BCAR1: variants seen among roughly 807,000 people sequenced by gnomAD.
BCAR1 encodes the protein breast cancer anti-estrogen resistance protein 1.
Under a neutral mutation model 67.6 loss-of-function variants are expected in BCAR1, and 30 were observed. The observed-to-expected ratio is 0.44, with a 90% CI of 0.33 to 0.60. The LOEUF (loss-of-function observed/expected upper bound fraction) is 0.60. BCAR1 is among the 20% of genes least tolerant of loss of function. BCAR1 has a pLI of 0.02. For missense variants in BCAR1, 1,313 were observed against 1,222.3 expected (o/e 1.07, Z -1.11); for synonymous variants, 626 against 556.7 (o/e 1.12, Z -1.75).
intron 1 of BCAR1, chr16:75,265,728 C>G (rs2077995187): frequency 8.5e-7 from 1 of 1,181,950 alleles, no homozygotes; most frequent in Non-Finnish European, 1.0e-6. Flanking sequence ...ACCCCCAGTC[C>G]GGGAGCCAAC....
At chr16:75,261,165 G>A (rs1351837080) in intron 1 of BCAR1, among the ~76,000 whole-genome samples, 1 of 152,166 alleles carries the variant, frequency 6.6e-6, no homozygotes, top group Non-Finnish European at 1.5e-5. Flanking sequence ...CCTTTTTCCT[G>A]CAGAGAGGGA....
chr16:75,236,816 C>G (rs772455811), intron 4 of BCAR1, 66 bp downstream of exon 4: 36 of 1,572,838 alleles, frequency 2.3e-5, no homozygotes, highest in Non-Finnish European at 2.6e-5. Context: ...GTCAGCACCC[C>G]TGTGCACACA....
chr16:75,266,673 C>G (rs1208802093), intron 1 of BCAR1: 9 of 1,287,964 alleles, frequency 7.0e-6, no homozygotes, highest in Non-Finnish European at 9.0e-6. Context: ...CTTGCTGATG[C>G]CCCGTTACAT....
At chr16:75,251,326 G>A (rs1319659492) in intron 1 of BCAR1, 145 bp downstream of exon 1, 4 of 1,177,522 alleles carry the variant, frequency 3.4e-6, no homozygotes, top group Middle Eastern at 2.5e-4. Context: ...CCCGGCCAGG[G>A]CAGAAGGAGA....
In BCAR1 at chr16:75,237,272, T is replaced by C; in HGVS notation, c.706A>G (p.Ile236Val). The C allele has an allele frequency of 6.6e-7, 1 of 1,524,402 alleles. No homozygotes were observed. 94.4% of individuals were successfully genotyped at this position (1,524,402 alleles called of 1,614,324 possible). ...CCCGGGGCCAGCAGGTGTCGCGGGA[T>C]GTCGTACTCGTCCTGCTCCGGCTGG... The part of the protein sequence containing the change: ...AAQPEQDEYD[I>V]PRHLLAPGPQ... Residue 236 changes from isoleucine to valine, a missense_variant, in exon 3 of 7, where the codon ATC (isoleucine) becomes GTC (valine). Physicochemically the swap from Ile to Val is conservative, Grantham distance 29 (BLOSUM62 3). Coordinates refer to ENST00000162330, the MANE Select transcript of BCAR1 (RefSeq NM_014567.5).
At chr16:75,236,127 CACAT>C (rs1260949373) in intron 4 of BCAR1, 141 bp from the exon 5 acceptor site, 36 of 1,112,802 alleles carry the variant, frequency 3.2e-5, no homozygotes, top group East Asian at 1.8e-4. Context: ...CACACAGGCA[CACAT>C]ACAAATGCAG....
At chr16:75,255,278 G>A (rs899455438), upstream of BCAR1, among the ~76,000 whole-genome samples, 3 of 152,070 alleles carry the variant, frequency 2.0e-5, no homozygotes, top group African/African-American at 7.2e-5. Context: ...GGTGGACTCG[G>A]TTGATGGCCA....
At position 75,229,973 on chromosome 16, in the gene BCAR1, G is replaced by A. The variant is rs775359035; in HGVS notation, c.2151C>T (p.His717=). Residue 717 remains histidine, a synonymous_variant, in exon 7 of 7, where the codon CAC becomes CAT. Transcript: ENST00000162330. ...LEQEVSRPID[H]DLANWTPAQP... Reference sequence around the variant, plus strand: ...GGGCTGGCGTCCAGTTGGCCAGGTCGTGGTCTATGGGCCGTGACACCTCCT... The same window carrying A: ...GGGCTGGCGTCCAGTTGGCCAGGTCATGGTCTATGGGCCGTGACACCTCCT... The A allele has an allele frequency of 3.2e-5, 51 of 1,584,348 alleles. No homozygotes were observed. The highest frequency in any genetic ancestry group is 3.4e-4 in the Middle Eastern group (2 of 5,942).
At chr16:75,238,129 G>A in intron 2 of BCAR1, 2 of 1,287,172 alleles carry the variant, frequency 1.6e-6, no homozygotes, top group Non-Finnish European at 2.0e-6. Flanking sequence ...CCCGCACAGT[G>A]GGTGAAGAGG....
upstream of BCAR1, chr16:75,256,043 C>T (rs1156924604): frequency 6.6e-6 from 1 of 152,372 alleles, no homozygotes; most frequent in Non-Finnish European, 1.5e-5. Flanking sequence ...GTGGATAGCA[C>T]GGAGGTGAAC....
At chr16:75,234,599 G>A (rs538179120) in intron 5 of BCAR1, among the ~76,000 whole-genome samples, 90 of 152,280 alleles carry the variant, frequency 5.9e-4, no homozygotes, top group African/African-American at 2.1e-3. Context: ...GCTCCCCCAC[G>A]CTCAGAGCAT....
rs367866361 is a variant in BCAR1, at chr16:75,235,391, T to A, written c.1508A>T (p.Asp503Val). Reference sequence around the variant, plus strand: ...GACAGCGGCCACAGCAGCCTGCAGGTCCTGCACCAGCGGCTCCTGTGGCTC... The same window carrying A: ...GACAGCGGCCACAGCAGCCTGCAGGACCTGCACCAGCGGCTCCTGTGGCTC... ...PSEPQEPLVQ[D>V]LQAAVAAVQS... The change falls in exon 5 of 7, where the codon GAC (aspartate) becomes GTC (valine). Residue 503 changes from aspartate (D) to valine (V), a missense_variant. Physicochemically the swap from Asp to Val is radical, Grantham distance 152. Coordinates refer to ENST00000162330, the MANE Select transcript of BCAR1 (RefSeq NM_014567.5). 3.9e-5 allele frequency: 63 copies of A among 1,606,736 alleles called. No individual in the cohort carries two copies. Among genetic ancestry groups the A allele is most frequent in the Non-Finnish European group, 5.3e-5 (62 of 1,178,398 alleles).
At chr16:75,253,989 T>G (rs1158354528), upstream of BCAR1, among the ~76,000 whole-genome samples, 3 of 148,020 alleles carry the variant, frequency 2.0e-5, no homozygotes, top group Admixed American at 6.7e-5. Context: ...TTTTTTGAGA[T>G]GGGGTTTCAC....
chr16:75,261,473 G>C (rs921305157), intron 1 of BCAR1, among the ~76,000 whole-genome samples: 1 of 152,242 alleles, frequency 6.6e-6, no homozygotes, highest in Non-Finnish European at 1.5e-5. Context: ...TGCCTGCCCC[G>C]TGCTGGCCCG....
intron 1 of BCAR1, chr16:75,263,955 G>T: frequency 8.8e-7 from 1 of 1,134,440 alleles, no homozygotes; most frequent in Non-Finnish European, 1.1e-6. Context: ...GAGCCACGGT[G>T]ATCTGCCAGC....
At chr16:75,265,393 C>G (rs993243874) in intron 1 of BCAR1, among the ~76,000 whole-genome samples, 1 of 152,116 alleles carries the variant, frequency 6.6e-6, no homozygotes, top group African/African-American at 2.4e-5. Context: ...AGGCCTCCCA[C>G]CCCCTCATCC....
chr16:75,236,597 G>T (rs1456118673), intron 4 of BCAR1: 3 of 502,408 alleles, frequency 6.0e-6, no homozygotes, highest in Non-Finnish European at 1.0e-5. Flanking sequence ...CTTCACTCTT[G>T]GAAGTATCCC....
At chr16:75,237,063 A>C (rs1442451376) in intron 3 of BCAR1, 65 bp from the exon 4 acceptor site, 49 of 1,523,900 alleles carry the variant, frequency 3.2e-5, no homozygotes, top group Non-Finnish European at 4.2e-5. Context: ...AAAGGTGGGA[A>C]CCCCGCAGCA....
chr16:75,243,854 C>T (rs936515482), intron 1 of BCAR1, among the ~76,000 whole-genome samples: 2 of 152,324 alleles, frequency 1.3e-5, no homozygotes, highest in Non-Finnish European at 2.9e-5. Flanking sequence ...CGCAGTTTCC[C>T]ACCACACACT....
Sources: gnomAD v4.1 joint callset for allele counts (sites outside exome capture counted in the v4.1 genomes callset) on GRCh38, gnomAD v4.1.1 for gene constraint, MANE v1.5 for transcripts, NCBI Gene and HGNC (gene_info 2026-07-23, HGNC 2026-07-21) for gene names.